The following GALNTL6 variants were observed in gnomAD, a reference collection of about 807,000 sequenced individuals.
GALNTL6 encodes polypeptide N-acetylgalactosaminyltransferase like 6, also known as polypeptide N-acetylgalactosaminyltransferase-like 6.
A neutral mutation model predicts 73.7 loss-of-function variants in GALNTL6; 46 were observed. The observed-to-expected ratio is 0.62, with a 90% CI of 0.49 to 0.80. The LOEUF (loss-of-function observed/expected upper bound fraction) is 0.80. Ranked by LOEUF, GALNTL6 falls within the 30% of genes least tolerant of loss-of-function variation. The pLI, the probability that GALNTL6 is intolerant of heterozygous loss-of-function variation, is 0.00. For missense variants in GALNTL6, 604 were observed against 755.0 expected (o/e 0.80, Z 2.34); for synonymous variants, 259 against 263.7 (o/e 0.98, Z 0.17).
chr4:172,078,455 A>G (rs1731779307), intron 2 of GALNTL6, among the ~76,000 whole-genome samples: 1 of 152,178 alleles, frequency 6.6e-6, no homozygotes, highest in African/African-American at 2.4e-5. Flanking sequence ...ACACAGTCTC[A>G]GGTACTATTT....
intron 3 of GALNTL6, among the ~76,000 whole-genome samples, chr4:172,292,288 C>T (rs1209993753): frequency 6.6e-6 from 1 of 151,874 alleles, no homozygotes; most frequent in Non-Finnish European, 1.5e-5. Context: ...AAAAAAACTT[C>T]CTGACATCTG....
At chr4:172,373,558 G>A (rs1194098016) in intron 5 of GALNTL6, among the ~76,000 whole-genome samples, 1 of 152,176 alleles carries the variant, frequency 6.6e-6, no homozygotes, top group Admixed American at 6.5e-5. Flanking sequence ...CTTTGATAAG[G>A]AAAAGAGGTG....
chr4:172,604,133 T>G (rs1313701319), intron 5 of GALNTL6, among the ~76,000 whole-genome samples: 6 of 152,194 alleles, frequency 3.9e-5, no homozygotes, highest in African/African-American at 1.4e-4. Flanking sequence ...TTTATCATTC[T>G]TTATGCTGCT....
chr4:172,670,061 G>A (rs1263274659), intron 5 of GALNTL6, among the ~76,000 whole-genome samples: 1 of 152,166 alleles, frequency 6.6e-6, no homozygotes, highest in Non-Finnish European at 1.5e-5. Context: ...TCTTTACGCA[G>A]TTTATCATTG....
At chr4:172,980,559 G>C (rs897899137) in intron 10 of GALNTL6, among the ~76,000 whole-genome samples, 2 of 152,096 alleles carry the variant, frequency 1.3e-5, no homozygotes, top group African/African-American at 2.4e-5. Flanking sequence ...TCAGGTTCTC[G>C]CGAGGGCTGT....
chr4:172,098,080 T>C (rs1353900554), intron 2 of GALNTL6, among the ~76,000 whole-genome samples: 1 of 152,148 alleles, frequency 6.6e-6, no homozygotes, highest in Non-Finnish European at 1.5e-5. Flanking sequence ...TGTATAATAA[T>C]CTGTATTAGA....
intron 8 of GALNTL6, among the ~76,000 whole-genome samples, chr4:172,900,526 TATTG>T (rs772067913): frequency 1.3e-5 from 2 of 152,200 alleles, no homozygotes; most frequent in East Asian, 1.9e-4. Context: ...GGAAAACTAA[TATTG>T]ATTATCAGAT....
chr4:172,417,074 T>C lies in GALNTL6; in HGVS notation c.553+68385T>C, dbSNP rs1269824546. 2.0e-5 allele frequency among the ~76,000 whole-genome samples: 3 copies of C among 152,150 alleles called. No homozygotes were observed. In the East Asian group the frequency reaches 5.8e-4, roughly 29 times the overall value. The stretch of plus-strand genomic sequence containing the variant: ...CATTATATAAATCCGACTTTTCTCA[T>C]AATTGGCTTTATAGATGAAGTATAT... On this transcript the variant is annotated intron_variant, in intron 5 of 12. Transcript: ENST00000506823.
intron 5 of GALNTL6, among the ~76,000 whole-genome samples, chr4:172,577,152 G>A (rs1459732369): frequency 6.6e-6 from 1 of 152,132 alleles, no homozygotes; most frequent in African/African-American, 2.4e-5. Flanking sequence ...ATTCTCCTGG[G>A]TGACCTTAAA....
At chr4:172,906,591 A>G (rs1161973370) in intron 8 of GALNTL6, among the ~76,000 whole-genome samples, 4 of 152,206 alleles carry the variant, frequency 2.6e-5, no homozygotes, top group African/African-American at 7.2e-5. Context: ...TGGAAGCTCA[A>G]CTGGAGAAAC....
rs1161759610 is a variant in GALNTL6, at chr4:172,434,072, T to C, written c.553+85383T>C. Among the ~76,000 whole-genome samples, 8 of 152,262 alleles carry C rather than the reference T, an allele frequency of 5.3e-5. No homozygotes were observed. The South Asian group carries it at 1.7e-3, about 32-fold the overall frequency. ...TATTAGATGATCTCTAAACTATTAATACATTATCGTTTGTAATAAGATACT... is the reference window on the plus strand; with the variant it reads ...TATTAGATGATCTCTAAACTATTAACACATTATCGTTTGTAATAAGATACT... On this transcript the variant is annotated intron_variant, in intron 5 of 12. Coordinates refer to ENST00000506823, the MANE Select transcript of GALNTL6 (RefSeq NM_001034845.3).
chr4:171,827,697 C>G (rs1242757369), intron 2 of GALNTL6, among the ~76,000 whole-genome samples: 1 of 152,058 alleles, frequency 6.6e-6, no homozygotes, highest in Admixed American at 6.6e-5. Flanking sequence ...CTTATCTTAT[C>G]TTATCTAAAG....
chr4:172,466,227 G>T (rs116240378), intron 5 of GALNTL6, among the ~76,000 whole-genome samples: 4 of 151,932 alleles, frequency 2.6e-5, no homozygotes, highest in Admixed American at 2.6e-4. Context: ...CCTAAAAAGC[G>T]TTTCTTTTAC....
intron 5 of GALNTL6, among the ~76,000 whole-genome samples, chr4:172,714,457 C>A (rs1478394486): frequency 2.6e-5 from 4 of 152,036 alleles, no homozygotes; most frequent in African/African-American, 9.7e-5. Context: ...ACCTACCTGA[C>A]AGAGTAAGAA....
At chr4:171,948,958 T>TAC (rs1354583870) in intron 2 of GALNTL6, among the ~76,000 whole-genome samples, 1 of 130,596 alleles carries the variant, frequency 7.7e-6, no homozygotes, top group Non-Finnish European at 1.5e-5. Context: ...AAGCCATATA[T>TAC]ATATACACAC....
At chr4:171,907,351 C>A (rs983670351) in intron 2 of GALNTL6, among the ~76,000 whole-genome samples, 4 of 152,240 alleles carry the variant, frequency 2.6e-5, no homozygotes, top group African/African-American at 9.6e-5. Flanking sequence ...ACACCAACAA[C>A]AGACTAACAG....
intron 5 of GALNTL6, among the ~76,000 whole-genome samples, chr4:172,549,253 T>C (rs1315929917): frequency 6.6e-6 from 1 of 152,170 alleles, no homozygotes. Flanking sequence ...TTGTGGTCAG[T>C]AGATTGCAGG....
chr4:172,784,850 C>T (rs1739566949), intron 5 of GALNTL6, among the ~76,000 whole-genome samples: 1 of 152,108 alleles, frequency 6.6e-6, no homozygotes, highest in Admixed American at 6.5e-5. Context: ...ATTGGGAATG[C>T]TAGATGCTAC....
intron 5 of GALNTL6, among the ~76,000 whole-genome samples, chr4:172,543,678 T>A (rs534504627): frequency 6.6e-6 from 1 of 151,914 alleles, no homozygotes; most frequent in Non-Finnish European, 1.5e-5. Flanking sequence ...TTCAAGGGAG[T>A]CTCTTTTCTT....
Sources: gnomAD v4.1 joint callset for allele counts (sites outside exome capture counted in the v4.1 genomes callset) on GRCh38, gnomAD v4.1.1 for gene constraint, MANE v1.5 for transcripts, NCBI Gene and HGNC (gene_info 2026-07-23, HGNC 2026-07-21) for gene names.